The following CRTC3 variants were observed in gnomAD, a reference collection of about 807,000 sequenced individuals.
The protein encoded by CRTC3 is CREB regulated transcription coactivator 3.
A neutral mutation model predicts 74.5 loss-of-function variants in CRTC3; 26 were observed. That is an observed-to-expected ratio of 0.35 (90% CI 0.26 to 0.48). CRTC3 has a LOEUF of 0.48. Ranked by LOEUF, CRTC3 falls within the 20% of genes least tolerant of loss-of-function variation. CRTC3 has a pLI of 0.99. For missense variants in CRTC3, 760 were observed against 787.3 expected (o/e 0.97, Z 0.41); for synonymous variants, 377 against 325.8 (o/e 1.16, Z -1.69).
chr15:90,557,515 TG>T (rs1231416319), intron 2 of CRTC3, among the ~76,000 whole-genome samples: 1 of 152,212 alleles, frequency 6.6e-6, no homozygotes, highest in African/African-American at 2.4e-5. Context: ...GTACAAATGG[TG>T]CCCCTCTTTG....
At chr15:90,610,257 A>G (rs1028436109) in intron 6 of CRTC3, among the ~76,000 whole-genome samples, 2 of 152,230 alleles carry the variant, frequency 1.3e-5, no homozygotes, top group South Asian at 2.1e-4. Context: ...AAAGATTTAA[A>G]CAGTGATGGG....
At chr15:90,620,856 T>C (rs1184033402) in intron 9 of CRTC3, among the ~76,000 whole-genome samples, 1 of 152,172 alleles carries the variant, frequency 6.6e-6, no homozygotes, top group African/African-American at 2.4e-5. Flanking sequence ...AGTCATTGAA[T>C]GTGATTTCCC....
chr15:90,543,134 G>GAA (rs34961335), intron 2 of CRTC3, among the ~76,000 whole-genome samples: 55,907 of 123,916 alleles, frequency 0.45, 13,812 homozygotes, highest in Non-Finnish European at 0.54. Context: ...TGTCTCTACT[G>GAA]AAAAAAAAAA....
chr15:90,639,957 G>A (rs923252195), intron 13 of CRTC3, among the ~76,000 whole-genome samples: 1 of 152,048 alleles, frequency 6.6e-6, no homozygotes, highest in African/African-American at 2.4e-5. Flanking sequence ...GCTGAGGCAG[G>A]AGAATGGCGT....
intron 2 of CRTC3, among the ~76,000 whole-genome samples, chr15:90,554,145 T>C (rs1439749025): frequency 6.6e-6 from 1 of 152,162 alleles, no homozygotes; most frequent in East Asian, 1.9e-4. Flanking sequence ...AAATGAGTTG[T>C]TATACATAAC....
intron 2 of CRTC3, among the ~76,000 whole-genome samples, chr15:90,544,580 T>C (rs1364348705): frequency 6.6e-6 from 1 of 152,260 alleles, no homozygotes; most frequent in Non-Finnish European, 1.5e-5. Flanking sequence ...TTTCCACCTT[T>C]TGGCAATTAT....
chr15:90,585,345 A>G (rs1967635032), intron 2 of CRTC3, among the ~76,000 whole-genome samples: 1 of 152,080 alleles, frequency 6.6e-6, no homozygotes, highest in African/African-American at 2.4e-5. Flanking sequence ...AGGTCTGGCT[A>G]TGCTGCCCAG....
chr15:90,533,084 CAAAAAA>C (rs766911510), intron 1 of CRTC3, among the ~76,000 whole-genome samples: 1 of 18,876 alleles, frequency 5.3e-5, no homozygotes, highest in African/African-American at 2.2e-4. Flanking sequence ...GACTTCATCT[CAAAAAA>C]AAAAAAAAAA....
In CRTC3 at chr15:90,598,288, CACAAAGA is replaced by C; in HGVS notation, c.352-4034_352-4028del. On this transcript the variant is annotated intron_variant, in intron 3 of 14. Transcript: ENST00000268184. The stretch of plus-strand genomic sequence containing the variant: ...GCTCACCCAGCCGCAGGTCAAGCAG[CACAAAGA>C]AAGGGCCAGGGCGGGTCTTGTTTTC... The C allele has an allele frequency of 1.1e-5, 7 of 616,122 alleles. No individual in the cohort carries two copies. In the South Asian group the frequency reaches 1.3e-4, roughly 12 times the overall value. 38.2% of individuals were successfully genotyped at this position (616,122 alleles called of 1,614,324 possible).
At chr15:90,611,411 C>A (rs1968353791) in intron 6 of CRTC3, among the ~76,000 whole-genome samples, 2 of 152,188 alleles carry the variant, frequency 1.3e-5, no homozygotes, top group African/African-American at 4.8e-5. Context: ...CCCTGTGGGA[C>A]TGATAAAATT....
rs1028545299 is a variant in CRTC3 at position 90,643,473 on chromosome 15, G to A, written c.*1333G>A. On this transcript the variant is annotated 3_prime_UTR_variant, in exon 15 of 15. Coordinates refer to ENST00000268184, the MANE Select transcript of CRTC3 (RefSeq NM_022769.5). ...GAAGGGCTGAGCAGGTGAGTGCCCT[G>A]AGCATCCTGGCTGGGCCCCACCCAG... The A allele has an allele frequency of 1.3e-5, 3 of 229,514 alleles. No homozygotes were observed. Among genetic ancestry groups the A allele is most frequent in the Non-Finnish European group, 2.6e-5 (3 of 115,754 alleles). The allele number at this position is 229,514 out of a possible 1,614,324, so 14.2% of individuals were successfully genotyped here.
intron 11 of CRTC3, among the ~76,000 whole-genome samples, chr15:90,632,768 C>A (rs1969087295): frequency 6.6e-6 from 1 of 152,152 alleles, no homozygotes; most frequent in South Asian, 2.1e-4. Flanking sequence ...CGACGCCTGG[C>A]TACTTTTTGT....
chr15:90,560,132 C>G (rs959984185), intron 2 of CRTC3, among the ~76,000 whole-genome samples: 1 of 151,976 alleles, frequency 6.6e-6, no homozygotes, highest in Non-Finnish European at 1.5e-5. Flanking sequence ...TTGGAACCTT[C>G]TTTTATTCAT....
intron 2 of CRTC3, among the ~76,000 whole-genome samples, chr15:90,588,822 TG>T (rs1254851945): frequency 4.6e-5 from 7 of 152,164 alleles, no homozygotes; most frequent in Non-Finnish European, 8.8e-5. Flanking sequence ...GGTTCCACCA[TG>T]CAGACACTCA....
chr15:90,586,307 T>C (rs1468610144), intron 2 of CRTC3, among the ~76,000 whole-genome samples: 2 of 151,800 alleles, frequency 1.3e-5, no homozygotes, highest in African/African-American at 4.9e-5. Context: ...ATTTATATGC[T>C]TAATCCTGGT....
chr15:90,627,429 T>TA (rs1968877493), intron 10 of CRTC3, among the ~76,000 whole-genome samples: 1 of 152,146 alleles, frequency 6.6e-6, no homozygotes, highest in Non-Finnish European at 1.5e-5. Flanking sequence ...TGTATGAAGA[T>TA]ATCTAGGGTC....
At chr15:90,641,572 C>T (rs761182019) in intron 14 of CRTC3, among the ~76,000 whole-genome samples, 23 of 151,918 alleles carry the variant, frequency 1.5e-4, no homozygotes, top group African/African-American at 3.4e-4. Flanking sequence ...TGGCGGCGGG[C>T]GCCTGTGGTC....
Position 90,641,921 on chromosome 15 carries a change from A to G in CRTC3, c.1652-11A>G, listed in dbSNP as rs559865447. The stretch of plus-strand genomic sequence containing the variant: ...AACCGCACTGTTTTCCCCTCTGGCC[A>G]CTCCTTTCAGAAGACTCCAGCACCA... On this transcript the variant is annotated splice_polypyrimidine_tract_variant and intron_variant, in intron 14 of 14. Coordinates refer to ENST00000268184, the MANE Select transcript of CRTC3 (RefSeq NM_022769.5). 1.2e-4 allele frequency: 186 copies of G among 1,612,216 alleles called. 3 individuals carry two copies. The South Asian group carries it at 1.9e-3, about 17-fold the overall frequency.
intron 2 of CRTC3, among the ~76,000 whole-genome samples, chr15:90,573,088 A>G (rs772919908): frequency 1.3e-5 from 2 of 152,178 alleles, no homozygotes; most frequent in Non-Finnish European, 2.9e-5. Flanking sequence ...CTGAATCACC[A>G]TTCTACTTTC....
Sources: allele counts gnomAD v4.1 joint callset (sites outside exome capture counted in the v4.1 genomes callset), GRCh38; gene constraint gnomAD v4.1.1; transcripts MANE v1.5; gene names NCBI Gene and HGNC (gene_info 2026-07-23, HGNC 2026-07-21).